The following PACRG variants were observed in gnomAD, a reference collection of about 807,000 sequenced individuals.
The protein encoded by PACRG is parkin coregulated gene protein.
A neutral mutation model predicts 29.7 loss-of-function variants in PACRG; 29 were observed. That is an observed-to-expected ratio of 0.98 (90% CI 0.73 to 1.33). The LOEUF is 1.33. Among genes scored for constraint, PACRG ranks in the 40% most tolerant of loss-of-function variants. The pLI is 0.00. For missense variants in PACRG, 279 were observed against 316.2 expected (o/e 0.88, Z 0.89); for synonymous variants, 116 against 118.7 (o/e 0.98, Z 0.15).
At chr6:162,906,547 T>C (rs955494847) in intron 2 of PACRG, among the ~76,000 whole-genome samples, 1 of 152,224 alleles carries the variant, frequency 6.6e-6, no homozygotes, top group Non-Finnish European at 1.5e-5. Context: ...GAAAACTTAA[T>C]ATTGGTGATC....
intron 4 of PACRG, among the ~76,000 whole-genome samples, chr6:163,277,500 CAT>C (rs1784078310): frequency 2.7e-5 from 2 of 73,152 alleles, no homozygotes; most frequent in African/African-American, 1.3e-4. Flanking sequence ...TATATACACA[CAT>C]ACACACACAC....
At chr6:163,222,498 T>C (rs979929559) in intron 4 of PACRG, among the ~76,000 whole-genome samples, 5 of 152,180 alleles carry the variant, frequency 3.3e-5, no homozygotes, top group African/African-American at 1.2e-4. Flanking sequence ...GAGAATCGCT[T>C]GAACCTGGAA....
At chr6:163,314,359 G>A (rs1338790919) in intron 4 of PACRG, among the ~76,000 whole-genome samples, 1 of 152,248 alleles carries the variant, frequency 6.6e-6, no homozygotes, top group Non-Finnish European at 1.5e-5. Context: ...TCAGGAGAAA[G>A]AGTTTGCCAT....
upstream of PACRG, chr6:162,727,251 C>T (rs563214378): frequency 7.5e-4 from 167 of 224,150 alleles, no homozygotes; most frequent in African/African-American, 3.8e-3. Flanking sequence ...CTCGATGGGT[C>T]CTGAACCGCA....
At chr6:162,937,874 G>A (rs1405632485) in intron 2 of PACRG, among the ~76,000 whole-genome samples, 1 of 151,592 alleles carries the variant, frequency 6.6e-6, no homozygotes, top group East Asian at 1.9e-4. Context: ...AGTGCTTTGG[G>A]GTTTATTTGC....
chr6:163,290,278 G>GCGCACACACACA (rs1554242204), intron 4 of PACRG, among the ~76,000 whole-genome samples: 19 of 114,566 alleles, frequency 1.7e-4, no homozygotes, highest in Admixed American at 8.4e-4. Flanking sequence ...GCGCGCGCGC[G>GCGCACACACACA]CACACACACA....
At chr6:162,778,957 G>C (rs1562587968) in intron 1 of PACRG, among the ~76,000 whole-genome samples, 2 of 152,204 alleles carry the variant, frequency 1.3e-5, no homozygotes, top group South Asian at 4.1e-4. Context: ...ATGGCGGTTT[G>C]CTGCACAGAT....
At chr6:163,131,596 G>A (rs939961912) in intron 4 of PACRG, among the ~76,000 whole-genome samples, 5 of 152,126 alleles carry the variant, frequency 3.3e-5, no homozygotes, top group Non-Finnish European at 7.4e-5. Context: ...CACCAGGTTT[G>A]TGGTATGTTT....
intron 4 of PACRG, among the ~76,000 whole-genome samples, chr6:163,281,007 G>A (rs1253180975): frequency 1.3e-5 from 2 of 152,098 alleles, no homozygotes; most frequent in East Asian, 1.9e-4. Flanking sequence ...GCTCCTTCCC[G>A]TCAGATTATG....
At chr6:162,749,582 G>A (rs1232405337) in intron 1 of PACRG, among the ~76,000 whole-genome samples, 2 of 151,944 alleles carry the variant, frequency 1.3e-5, no homozygotes, top group South Asian at 2.1e-4. Context: ...GTGCAATGGC[G>A]TGATCTCAGC....
intron 1 of PACRG, among the ~76,000 whole-genome samples, chr6:162,792,272 C>G (rs1307205950): frequency 3.3e-5 from 5 of 151,948 alleles, no homozygotes; most frequent in Non-Finnish European, 7.4e-5. Context: ...ACCGACTGAC[C>G]ATGACTTTAA....
intron 4 of PACRG, among the ~76,000 whole-genome samples, chr6:163,269,810 A>C (rs868192374): frequency 1.1e-4 from 12 of 109,482 alleles, no homozygotes; most frequent in African/African-American, 4.1e-4. Flanking sequence ...GGAAGGAAGG[A>C]AGGAAGGAAG....
At chr6:163,161,876 G>A (rs1335607390) in intron 4 of PACRG, among the ~76,000 whole-genome samples, 1 of 152,122 alleles carries the variant, frequency 6.6e-6, no homozygotes, top group Non-Finnish European at 1.5e-5. Context: ...ATTTAGAAAG[G>A]GATTGAAATT....
At chr6:163,311,411 T>C (rs1785408581) in intron 4 of PACRG, among the ~76,000 whole-genome samples, 1 of 152,234 alleles carries the variant, frequency 6.6e-6, no homozygotes, top group Admixed American at 6.5e-5. Flanking sequence ...TAAATAACCA[T>C]TTGGGTTTAT....
intron 4 of PACRG, among the ~76,000 whole-genome samples, chr6:163,119,788 C>T (rs1370094048): frequency 6.6e-6 from 1 of 151,926 alleles, no homozygotes; most frequent in African/African-American, 2.4e-5. Context: ...GAAAACAATC[C>T]CCCCAAAAAG....
chr6:163,041,969 G>A (rs902385824), intron 2 of PACRG, among the ~76,000 whole-genome samples: 4 of 152,270 alleles, frequency 2.6e-5, no homozygotes, highest in East Asian at 3.9e-4. Flanking sequence ...GGGTTCAAGC[G>A]ATTCTCCTGC....
chr6:163,033,409 C>A (rs1325337985), intron 2 of PACRG, among the ~76,000 whole-genome samples: 2 of 152,142 alleles, frequency 1.3e-5, no homozygotes, highest in Admixed American at 1.3e-4. Context: ...CAGTGTATAA[C>A]CTTAAAGCAT....
intron 1 of PACRG, among the ~76,000 whole-genome samples, chr6:162,782,757 C>G (rs1334559282): frequency 6.6e-6 from 1 of 151,722 alleles, no homozygotes; most frequent in Non-Finnish European, 1.5e-5. Context: ...TCAGAGTTTC[C>G]TATCCCAAAG....
intron 4 of PACRG, among the ~76,000 whole-genome samples, chr6:163,291,154 G>A (rs4709691): frequency 0.74 from 99,540 of 135,162 alleles, 36,369 homozygotes; most frequent in East Asian, 0.85. Context: ...GCTGGCCTGC[G>A]GGTCACCCTG....
Sources: allele counts gnomAD v4.1 joint callset (sites outside exome capture counted in the v4.1 genomes callset), GRCh38; gene constraint gnomAD v4.1.1; transcripts MANE v1.5; gene names NCBI Gene and HGNC (gene_info 2026-07-23, HGNC 2026-07-21).